TRAPPC9: variants seen among roughly 807,000 people sequenced by gnomAD.
TRAPPC9 encodes trafficking protein particle complex subunit 9.
TRAPPC9 carries 83 observed loss-of-function variants against 124.0 expected under a neutral mutation model. The ratio of observed to expected loss-of-function variants is 0.67; its 90% CI spans 0.56 to 0.80. The LOEUF (loss-of-function observed/expected upper bound fraction) is 0.80. Among genes scored for constraint, TRAPPC9 ranks in the 30% least tolerant of loss-of-function variants. TRAPPC9 has a pLI of 0.00. For missense variants in TRAPPC9, 1,302 were observed against 1,508.3 expected (o/e 0.86, Z 2.27); for synonymous variants, 638 against 617.5 (o/e 1.03, Z -0.49).
intron 21 of TRAPPC9, among the ~76,000 whole-genome samples, chr8:139,759,245 C>T (rs1820061493): frequency 6.6e-6 from 1 of 152,172 alleles, no homozygotes; most frequent in African/African-American, 2.4e-5. Context: ...TGAACTCAGT[C>T]CCCTGGGAAA....
intron 11 of TRAPPC9, among the ~76,000 whole-genome samples, chr8:140,298,579 G>A (rs763950999): frequency 6.6e-6 from 1 of 152,146 alleles, no homozygotes; most frequent in African/African-American, 2.4e-5. Flanking sequence ...CTGAGCCCAG[G>A]AGGTTGAGGC....
intron 21 of TRAPPC9, among the ~76,000 whole-genome samples, chr8:139,738,078 T>G (rs1818318593): frequency 6.6e-6 from 1 of 152,202 alleles, no homozygotes; most frequent in Admixed American, 6.5e-5. Context: ...CAGCCCACTC[T>G]GACCACGAGG....
rs1472089235 is a variant in TRAPPC9 at position 139,747,553 on chromosome 8, G to GCCC, written c.3056-15352_3056-15351insGGG. 7.4e-4 allele frequency among the ~76,000 whole-genome samples: 85 copies of GCCC among 114,750 alleles called. 1 individual carries two copies. Among genetic ancestry groups the GCCC allele is most frequent in the Non-Finnish European group, 2.0e-4 (11 of 55,434 alleles). The allele number at this position is 114,750 out of a possible 152,430, so 75.3% of individuals were successfully genotyped here. On this transcript the variant is annotated intron_variant, in intron 21 of 22. Transcript: ENST00000438773. ...GCAGGAGTCAGAGCAGGTAGGGGGGGCGTACAGGGGTCAGAGTGGGTGTGG... is the reference window on the plus strand; with the variant it reads ...GCAGGAGTCAGAGCAGGTAGGGGGGGCCCCGTACAGGGGTCAGAGTGGGTGTGG...
chr8:140,284,155 G>C, intron 13 of TRAPPC9, 134 bp from the exon 14 acceptor site: 2 of 1,151,750 alleles, frequency 1.7e-6, no homozygotes, highest in Non-Finnish European at 2.6e-6. Flanking sequence ...GCCCGCCGGC[G>C]CTCACCCACA....
intron 17 of TRAPPC9, chr8:140,099,034 G>A (rs2060515316): frequency 6.6e-6 from 1 of 151,648 alleles, no homozygotes; most frequent in Admixed American, 6.6e-5. Flanking sequence ...CTCAGTGCGG[G>A]GCTTTAGCAG....
chr8:140,057,214 T>TG (rs1242717429), intron 17 of TRAPPC9, among the ~76,000 whole-genome samples: 70 of 152,312 alleles, frequency 4.6e-4, no homozygotes, highest in African/African-American at 1.5e-3. Context: ...GTGGAGAAAT[T>TG]GGAGTCCTTG....
chr8:140,133,641 G>A (rs948180234), intron 17 of TRAPPC9, among the ~76,000 whole-genome samples: 73 of 152,198 alleles, frequency 4.8e-4, no homozygotes, highest in African/African-American at 1.7e-3. Flanking sequence ...CAGGTGACAT[G>A]AGCCTACATT....
In TRAPPC9 at chr8:140,252,956, A is replaced by T. The variant is rs1015886845; in HGVS notation, c.2279-27T>A. The T allele has an allele frequency of 6.2e-7, 1 of 1,612,132 alleles. No homozygotes were observed. The highest frequency in any genetic ancestry group is 1.3e-5 in the African/African-American group (1 of 75,036). On this transcript the variant is annotated intron_variant, in intron 15 of 22. Coordinates refer to ENST00000438773, the MANE Select transcript of TRAPPC9 (RefSeq NM_001160372.4). The surrounding 1 kb of genome is among the most constrained non-coding windows in gnomAD (Gnocchi z 4.2). ...TGTAATAATAACAATGACAGTGATG[A>T]GGATGCTGTAACTGAGGCAGTATGG...
chr8:139,758,098 G>C (rs139226095), intron 21 of TRAPPC9, among the ~76,000 whole-genome samples: 2 of 152,324 alleles, frequency 1.3e-5, no homozygotes, highest in African/African-American at 4.8e-5. Flanking sequence ...ATTAATCTTT[G>C]TCTTCTTCCA....
intron 19 of TRAPPC9, among the ~76,000 whole-genome samples, chr8:139,963,749 CA>C (rs58224556): frequency 1.9e-5 from 2 of 107,352 alleles, no homozygotes; most frequent in Admixed American, 9.9e-5. Context: ...CCAGTTCTAC[CA>C]AAAAAAAAAA....
intron 4 of TRAPPC9, among the ~76,000 whole-genome samples, chr8:140,429,792 G>A (rs1171637398): frequency 6.6e-6 from 1 of 151,328 alleles, no homozygotes; most frequent in South Asian, 2.1e-4. Flanking sequence ...GCAACAGAGT[G>A]AGACTCTATC....
At chr8:140,318,891 C>A (rs995699412) in intron 9 of TRAPPC9, among the ~76,000 whole-genome samples, 1 of 152,116 alleles carries the variant, frequency 6.6e-6, no homozygotes, top group Non-Finnish European at 1.5e-5. Context: ...TCTTCCTGTT[C>A]CAAAATATGA....
intron 16 of TRAPPC9, among the ~76,000 whole-genome samples, chr8:140,234,137 C>T (rs1031900564): frequency 6.6e-6 from 1 of 152,154 alleles, no homozygotes; most frequent in Admixed American, 6.5e-5. Flanking sequence ...GAGTGGAGGG[C>T]CAGATCAGCA....
At chr8:140,314,919 T>C (rs1045331284) in intron 9 of TRAPPC9, among the ~76,000 whole-genome samples, 2 of 152,244 alleles carry the variant, frequency 1.3e-5, no homozygotes, top group Non-Finnish European at 2.9e-5. Context: ...CAGTCACCCC[T>C]TCGACACTGA....
At chr8:140,117,752 G>C (rs2060915136) in intron 17 of TRAPPC9, among the ~76,000 whole-genome samples, 1 of 152,162 alleles carries the variant, frequency 6.6e-6, no homozygotes, top group African/African-American at 2.4e-5. Flanking sequence ...GGAAGTGAGT[G>C]AGCCTCTAAC....
At chr8:140,347,268 T>C (rs2067377790) in intron 9 of TRAPPC9, among the ~76,000 whole-genome samples, 1 of 152,190 alleles carries the variant, frequency 6.6e-6, no homozygotes, top group Admixed American at 6.5e-5. Flanking sequence ...CCGCCTTCCC[T>C]TCCCAGCCAC....
At chr8:139,989,880 C>G (rs1472204670) in intron 18 of TRAPPC9, among the ~76,000 whole-genome samples, 4 of 152,150 alleles carry the variant, frequency 2.6e-5, no homozygotes, top group African/African-American at 4.8e-5. Flanking sequence ...TCTCAGACAC[C>G]AAGTATCACA....
At chr8:140,412,936 T>C (rs2069759824) in intron 5 of TRAPPC9, among the ~76,000 whole-genome samples, 1 of 152,128 alleles carries the variant, frequency 6.6e-6, no homozygotes, top group Non-Finnish European at 1.5e-5. Context: ...CACTGGTCTT[T>C]GTGTCTGGGA....
chr8:140,006,714 A>G (rs1838778052), intron 18 of TRAPPC9, among the ~76,000 whole-genome samples: 1 of 152,234 alleles, frequency 6.6e-6, no homozygotes, highest in African/African-American at 2.4e-5. Flanking sequence ...CAACACACCA[A>G]GTGAAAGAGG....
Sources: gnomAD v4.1 joint callset for allele counts (sites outside exome capture counted in the v4.1 genomes callset) on GRCh38, gnomAD v4.1.1 for gene constraint, Gnocchi (gnomAD v3.1) non-coding constraint, MANE v1.5 for transcripts, NCBI Gene and HGNC (gene_info 2026-07-23, HGNC 2026-07-21) for gene names.